TENM4: variants seen among roughly 807,000 people sequenced by gnomAD.
The protein encoded by TENM4 is teneurin transmembrane protein 4.
TENM4 carries 82 observed loss-of-function variants against 243.3 expected under a neutral mutation model. The ratio of observed to expected loss-of-function variants is 0.34; its 90% CI spans 0.28 to 0.40. The LOEUF (loss-of-function observed/expected upper bound fraction) is 0.40. Among genes scored for constraint, TENM4 ranks in the 10% least tolerant of loss-of-function variants. The pLI, the probability that TENM4 is intolerant of heterozygous loss-of-function variation, is 1.00. For missense variants in TENM4, 3,138 were observed against 3,673.3 expected (o/e 0.85, Z 3.77); for synonymous variants, 1,412 against 1,456.3 (o/e 0.97, Z 0.69).
intron 1 of TENM4, among the ~76,000 whole-genome samples, chr11:79,351,127 G>A (rs1590901227): frequency 6.6e-6 from 1 of 152,168 alleles, no homozygotes; most frequent in African/African-American, 2.4e-5. Context: ...GTATTTTTAA[G>A]GTTTTCCCCC....
chr11:78,756,574 C>T (rs1565365588), intron 19 of TENM4: 1 of 518,494 alleles, frequency 1.9e-6, no homozygotes, highest in Non-Finnish European at 3.5e-6. Flanking sequence ...CATCTGTCAC[C>T]CAGTGGGAGC....
chr11:79,296,815 T>C (rs1026643583), intron 2 of TENM4, among the ~76,000 whole-genome samples: 1 of 152,148 alleles, frequency 6.6e-6, no homozygotes, highest in African/African-American at 2.4e-5. Flanking sequence ...GATCACAAAG[T>C]ACCCTTCAAA....
intron 2 of TENM4, among the ~76,000 whole-genome samples, chr11:79,248,440 G>A (rs1855556800): frequency 6.6e-6 from 1 of 152,196 alleles, no homozygotes; most frequent in African/African-American, 2.4e-5. Flanking sequence ...GCCACACAGA[G>A]TAAATGTATG....
intron 16 of TENM4, among the ~76,000 whole-genome samples, chr11:78,779,579 C>T (rs1158494980): frequency 6.6e-6 from 1 of 152,216 alleles, no homozygotes; most frequent in East Asian, 1.9e-4. Flanking sequence ...GCATGAATCA[C>T]TAATACCATT....
intron 2 of TENM4, among the ~76,000 whole-genome samples, chr11:79,254,553 C>G (rs1435532705): frequency 6.6e-6 from 1 of 152,176 alleles, no homozygotes; most frequent in East Asian, 1.9e-4. Flanking sequence ...ACTTTCTGGA[C>G]TCTGTACTTT....
chr11:78,996,150 G>A (rs1003191038), intron 6 of TENM4, among the ~76,000 whole-genome samples: 4 of 152,168 alleles, frequency 2.6e-5, no homozygotes, highest in Non-Finnish European at 5.9e-5. Context: ...TCATGAGCTA[G>A]GGCTTATTTT....
At chr11:78,837,382 T>C (rs912588725) in intron 12 of TENM4, among the ~76,000 whole-genome samples, 5 of 152,240 alleles carry the variant, frequency 3.3e-5, no homozygotes, top group Admixed American at 3.3e-4. Flanking sequence ...CATGTGGAAC[T>C]GTTAGTCCAT....
chr11:79,145,708 C>G (rs1591314367), intron 4 of TENM4, among the ~76,000 whole-genome samples: 1 of 152,182 alleles, frequency 6.6e-6, no homozygotes, highest in East Asian at 1.9e-4. Flanking sequence ...TATTGCCAAA[C>G]AGTTTTCCAG....
chr11:79,215,589 G>T (rs1864036392), intron 3 of TENM4, among the ~76,000 whole-genome samples: 1 of 152,114 alleles, frequency 6.6e-6, no homozygotes, highest in African/African-American at 2.4e-5. Flanking sequence ...CTGCCAGCTT[G>T]GTTTCCAGCA....
At chr11:78,853,144 C>T (rs907653766) in intron 12 of TENM4, among the ~76,000 whole-genome samples, 4 of 152,130 alleles carry the variant, frequency 2.6e-5, no homozygotes, top group Non-Finnish European at 5.9e-5. Flanking sequence ...GAACTCCAGA[C>T]CACATAGAAC....
intron 3 of TENM4, among the ~76,000 whole-genome samples, chr11:79,209,300 C>T (rs1050370818): frequency 1.3e-5 from 2 of 152,204 alleles, no homozygotes; most frequent in Non-Finnish European, 2.9e-5. Context: ...CCAACCCGGC[C>T]GGCCTTGGGA....
At chr11:79,376,221 G>C (rs1857887952) in intron 1 of TENM4, among the ~76,000 whole-genome samples, 1 of 152,164 alleles carries the variant, frequency 6.6e-6, no homozygotes, top group African/African-American at 2.4e-5. Flanking sequence ...CTTCTCCTTT[G>C]GTGGGTTTCA....
At chr11:79,419,377 G>C (rs1324931875) in intron 1 of TENM4, among the ~76,000 whole-genome samples, 10 of 152,156 alleles carry the variant, frequency 6.6e-5, no homozygotes, top group Non-Finnish European at 1.5e-4. Flanking sequence ...CAGGTAAGAG[G>C]TCAGCTCCCT....
At chr11:78,713,527 A>C (rs1173877558) in intron 25 of TENM4, among the ~76,000 whole-genome samples, 4 of 152,206 alleles carry the variant, frequency 2.6e-5, no homozygotes, top group African/African-American at 9.7e-5. Context: ...CAGGATTTGC[A>C]ATCAGAACAG....
chr11:79,019,018 A>G (rs1016912746), intron 6 of TENM4, among the ~76,000 whole-genome samples: 12 of 152,172 alleles, frequency 7.9e-5, no homozygotes, highest in African/African-American at 2.4e-4. Flanking sequence ...GGGACTCCCT[A>G]TTCCATGGTA....
chr11:78,929,012 G>A (rs1424353528), intron 6 of TENM4, among the ~76,000 whole-genome samples: 1 of 152,204 alleles, frequency 6.6e-6, no homozygotes, highest in African/African-American at 2.4e-5. Context: ...GGCTGGGCCC[G>A]GAGTCTCTGG....
rs964960142 is a variant in TENM4 at position 79,131,356 on chromosome 11, G to A, written c.-66+17354C>T. Among the ~76,000 whole-genome samples the A allele has an allele frequency of 2.0e-5, 3 of 152,198 alleles. No homozygotes were observed. In the East Asian group the frequency reaches 5.8e-4, roughly 29 times the overall value. On this transcript the variant is annotated intron_variant, in intron 4 of 33. Coordinates refer to ENST00000278550, the MANE Select transcript of TENM4 (RefSeq NM_001098816.3). ...TCAGCAGAAACCATACAAGCCAGAA[G>A]GGACTGGGGCTCTATCTTCAGCCTC...
At chr11:78,674,369 C>A (rs1177041713) in intron 30 of TENM4, among the ~76,000 whole-genome samples, 1 of 152,216 alleles carries the variant, frequency 6.6e-6, no homozygotes. Flanking sequence ...GTAGACGTGG[C>A]CACCCGTCCC....
At chr11:78,674,198 C>T (rs1328182231) in intron 30 of TENM4, among the ~76,000 whole-genome samples, 2 of 152,196 alleles carry the variant, frequency 1.3e-5, no homozygotes, top group Admixed American at 1.3e-4. Context: ...CCGCCTAATG[C>T]GTCCTGTGCT....
Sources: gnomAD v4.1 joint callset for allele counts (sites outside exome capture counted in the v4.1 genomes callset) on GRCh38, gnomAD v4.1.1 for gene constraint, MANE v1.5 for transcripts, NCBI Gene and HGNC (gene_info 2026-07-23, HGNC 2026-07-21) for gene names.